CDIN1: variants seen among roughly 807,000 people sequenced by gnomAD.
CDIN1 encodes CDAN1 interacting nuclease 1, also known as CDAN1-interacting nuclease 1.
In CDIN1, 33 loss-of-function variants were observed where a neutral mutation model predicts 45.3. That is an observed-to-expected ratio of 0.73 (90% CI 0.55 to 0.97). The LOEUF (loss-of-function observed/expected upper bound fraction) is 0.97. Ranked by LOEUF, CDIN1 falls within the 50% of genes least tolerant of loss-of-function variation. The pLI is 0.00. For synonymous variants in CDIN1, 118 were observed against 124.4 expected, an observed-to-expected ratio of 0.95 and a Z score of 0.34; for missense variants, 303 against 339.4, an observed-to-expected ratio of 0.89 and a Z score of 0.84.
chr15:36,694,571 T>TTC (rs149868769), intron 7 of CDIN1, among the ~76,000 whole-genome samples: 26,613 of 152,076 alleles, frequency 0.17, 2,550 homozygotes, highest in Admixed American at 0.28. Context: ...TCATTGTGCT[T>TTC]TCTCTTTTTT....
chr15:36,615,354 G>C (rs2038842995), intron 1 of CDIN1, among the ~76,000 whole-genome samples: 1 of 152,112 alleles, frequency 6.6e-6, no homozygotes, highest in Non-Finnish European at 1.5e-5. Flanking sequence ...GGCTTAAAAT[G>C]TACTCTCCTT....
chr15:36,684,389 A>G (rs1207744459), intron 5 of CDIN1, among the ~76,000 whole-genome samples: 2 of 152,052 alleles, frequency 1.3e-5, no homozygotes, highest in African/African-American at 2.4e-5. Context: ...ATTGATTTGC[A>G]TATATTGAAC....
chr15:36,611,714 C>T (rs756604257), intron 1 of CDIN1, among the ~76,000 whole-genome samples: 3 of 152,262 alleles, frequency 2.0e-5, no homozygotes, highest in African/African-American at 4.8e-5. Context: ...TTTTACTAAA[C>T]GGAATCGATC....
At chr15:36,687,318 C>T (rs998156323) in intron 5 of CDIN1, among the ~76,000 whole-genome samples, 12 of 151,850 alleles carry the variant, frequency 7.9e-5, no homozygotes, top group African/African-American at 1.5e-4. Flanking sequence ...ATGAATCACT[C>T]GTAAGACATA....
At chr15:36,606,129 T>C (rs2038368292) in intron 1 of CDIN1, among the ~76,000 whole-genome samples, 1 of 152,150 alleles carries the variant, frequency 6.6e-6, no homozygotes, top group South Asian at 2.1e-4. Context: ...TAGATAACCT[T>C]GATGCTGGTT....
intron 1 of CDIN1, among the ~76,000 whole-genome samples, chr15:36,595,498 A>C (rs1326423353): frequency 1.3e-5 from 2 of 152,076 alleles, no homozygotes; most frequent in African/African-American, 4.8e-5. Context: ...ATCAGGAAAA[A>C]ACCTGCTCAT....
chr15:36,645,887 A>G (rs2040307007), intron 3 of CDIN1, among the ~76,000 whole-genome samples: 1 of 152,210 alleles, frequency 6.6e-6, no homozygotes, highest in African/African-American at 2.4e-5. Flanking sequence ...ACAGCATAGT[A>G]TCCAGGAGAT....
chr15:36,798,783 A>G (rs1265631247), intron 10 of CDIN1: 1 of 152,214 alleles, frequency 6.6e-6, no homozygotes, highest in Non-Finnish European at 1.5e-5. Flanking sequence ...TGAAAAAGAC[A>G]TATTTTGGGT....
chr15:36,703,282 A>C (rs370920060), intron 8 of CDIN1, among the ~76,000 whole-genome samples: 3 of 110,564 alleles, frequency 2.7e-5, no homozygotes, highest in Admixed American at 2.7e-4. Context: ...TAGATCTATC[A>C]GATATATACA....
chr15:36,750,114 G>A (rs2053419537), intron 10 of CDIN1, among the ~76,000 whole-genome samples: 1 of 152,080 alleles, frequency 6.6e-6, no homozygotes, highest in Non-Finnish European at 1.5e-5. Context: ...TGGGGGCACA[G>A]GAGAGGGGAA....
intron 1 of CDIN1, 29 bp downstream of exon 1, chr15:36,579,990 C>T (rs1446527186): frequency 1.3e-6 from 2 of 1,592,474 alleles, no homozygotes; most frequent in Non-Finnish European, 1.7e-6. Context: ...CCTCTCACAG[C>T]CCTTTGCCTG....
intron 1 of CDIN1, among the ~76,000 whole-genome samples, chr15:36,592,989 G>A (rs1042832607): frequency 6.6e-6 from 1 of 152,030 alleles, no homozygotes; most frequent in African/African-American, 2.4e-5. Flanking sequence ...AAAAACAGAG[G>A]GAAGATACCT....
chr15:36,725,887 A>G (rs1042580576), intron 10 of CDIN1, among the ~76,000 whole-genome samples: 1 of 152,214 alleles, frequency 6.6e-6, no homozygotes, highest in Non-Finnish European at 1.5e-5. Flanking sequence ...AGAAGCAGCT[A>G]TTCAGGAAGA....
At chr15:36,715,214 C>T (rs1480919970) in intron 10 of CDIN1, among the ~76,000 whole-genome samples, 4 of 152,262 alleles carry the variant, frequency 2.6e-5, no homozygotes, top group African/African-American at 9.6e-5. Flanking sequence ...GATTTTTGAA[C>T]CTTTGGCTCC....
At chr15:36,742,673 T>A (rs1466216889) in intron 10 of CDIN1, among the ~76,000 whole-genome samples, 4 of 152,160 alleles carry the variant, frequency 2.6e-5, no homozygotes, top group African/African-American at 9.7e-5. Context: ...GAATAAGTAT[T>A]TCCAGATGCA....
At chr15:36,602,398 A>G (rs958902714) in intron 1 of CDIN1, among the ~76,000 whole-genome samples, 4 of 152,212 alleles carry the variant, frequency 2.6e-5, no homozygotes, top group African/African-American at 9.6e-5. Flanking sequence ...TTTGGCAAGT[A>G]TTTTTGGAGT....
At chr15:36,602,978 C>T (rs551781523) in intron 1 of CDIN1, among the ~76,000 whole-genome samples, 27 of 149,204 alleles carry the variant, frequency 1.8e-4, no homozygotes, top group African/African-American at 3.0e-4. Flanking sequence ...ACAGAGACTC[C>T]GTCTCAAAAA....
chr15:36,759,389 T>C (rs2053696746), intron 10 of CDIN1, among the ~76,000 whole-genome samples: 2 of 152,186 alleles, frequency 1.3e-5, no homozygotes, highest in Admixed American at 6.5e-5. Flanking sequence ...ATATCTGGGA[T>C]GAGTCTTTCC....
chr15:36,662,853 A>AG (rs2041071634), intron 5 of CDIN1, among the ~76,000 whole-genome samples: 1 of 49,038 alleles, frequency 2.0e-5, no homozygotes, highest in African/African-American at 7.2e-5. Flanking sequence ...TTCAGATTTT[A>AG]GTTTTTTTTT....
Sources: allele counts gnomAD v4.1 joint callset (sites outside exome capture counted in the v4.1 genomes callset), GRCh38; gene constraint gnomAD v4.1.1; transcripts MANE v1.5; gene names NCBI Gene and HGNC (gene_info 2026-07-23, HGNC 2026-07-21).